Variants in KCNIP4 observed in about 807,000 individuals in gnomAD.
KCNIP4 encodes potassium voltage-gated channel interacting protein 4.
Under a neutral mutation model 34.0 loss-of-function variants are expected in KCNIP4, and 12 were observed. The observed-to-expected ratio is 0.35, with a 90% CI of 0.23 to 0.57. The LOEUF is 0.57. Ranked by LOEUF, KCNIP4 falls within the 20% of genes least tolerant of loss-of-function variation. The pLI, the probability that KCNIP4 is intolerant of heterozygous loss-of-function variation, is 0.83. For missense variants in KCNIP4, 238 were observed against 311.7 expected (o/e 0.76, Z 1.78); for synonymous variants, 124 against 102.2 (o/e 1.21, Z -1.29).
chr4:20,791,355 T>C (rs1200486618), intron 3 of KCNIP4, among the ~76,000 whole-genome samples: 2 of 152,146 alleles, frequency 1.3e-5, no homozygotes, highest in Non-Finnish European at 2.9e-5. Flanking sequence ...ACACAAAGAA[T>C]GAAGAGCAAT....
chr4:21,173,951 C>G (rs201173680), intron 1 of KCNIP4, among the ~76,000 whole-genome samples: 6 of 152,154 alleles, frequency 3.9e-5, no homozygotes, highest in East Asian at 3.8e-4. Context: ...CTGCACACCC[C>G]ACTCCTTTCC....
At chr4:21,235,145 C>A (rs1759262969) in intron 1 of KCNIP4, among the ~76,000 whole-genome samples, 1 of 152,148 alleles carries the variant, frequency 6.6e-6, no homozygotes, top group Non-Finnish European at 1.5e-5. Flanking sequence ...TATGAAGTCA[C>A]AGGTGCTACT....
At chr4:21,934,457 C>G (rs113632562) in intron 1 of KCNIP4, among the ~76,000 whole-genome samples, 3 of 152,080 alleles carry the variant, frequency 2.0e-5, no homozygotes, top group Non-Finnish European at 4.4e-5. Flanking sequence ...CAGGCTCCAC[C>G]TTCAACACTG....
chr4:21,890,368 A>G (rs1478506523), intron 1 of KCNIP4, among the ~76,000 whole-genome samples: 1 of 152,148 alleles, frequency 6.6e-6, no homozygotes, highest in Non-Finnish European at 1.5e-5. Context: ...ACTCTTGTGT[A>G]AATACAGTCT....
intron 1 of KCNIP4, among the ~76,000 whole-genome samples, chr4:20,912,119 G>A (rs190491395): frequency 1.4e-4 from 21 of 152,124 alleles, no homozygotes; most frequent in African/African-American, 4.6e-4. Context: ...GTTACAAGAA[G>A]GCAAATTATT....
chr4:21,080,803 C>T (rs1403037860), intron 1 of KCNIP4, among the ~76,000 whole-genome samples: 4 of 151,808 alleles, frequency 2.6e-5, no homozygotes, highest in Non-Finnish European at 5.9e-5. Flanking sequence ...CATATTTGAA[C>T]TACCAATGGT....
intron 1 of KCNIP4, among the ~76,000 whole-genome samples, chr4:21,327,084 C>T (rs146607720): frequency 1.4e-4 from 21 of 152,056 alleles, no homozygotes; most frequent in African/African-American, 1.9e-4. Flanking sequence ...TTACACATGA[C>T]GATTACAGTG....
At chr4:20,771,379 T>C (rs1755863759) in intron 3 of KCNIP4, among the ~76,000 whole-genome samples, 1 of 152,212 alleles carries the variant, frequency 6.6e-6, no homozygotes, top group African/African-American at 2.4e-5. Context: ...ATTTTCCTCA[T>C]GTGTAAGCCA....
chr4:20,832,230 C>T lies in KCNIP4; in HGVS notation c.288+18313G>A, dbSNP rs117937306. On this transcript the variant is annotated intron_variant, in intron 3 of 8. Transcript: ENST00000382152. ...TAGATAGTTCAACAAATAGATTTTACGGTCTCTTTATGGGACAAAGCAGAG... is the reference window on the plus strand; with the variant it reads ...TAGATAGTTCAACAAATAGATTTTATGGTCTCTTTATGGGACAAAGCAGAG... 1.7e-3 allele frequency among the ~76,000 whole-genome samples: 257 copies of T among 152,092 alleles called. 6 individuals are homozygous for T. In the East Asian group the frequency reaches 0.043, roughly 26 times the overall value.
At chr4:21,103,919 A>AT (rs1024579257) in intron 1 of KCNIP4, among the ~76,000 whole-genome samples, 1 of 151,818 alleles carries the variant, frequency 6.6e-6, no homozygotes, top group African/African-American at 2.4e-5. Flanking sequence ...TGAACTCATC[A>AT]TTTTTTATGG....
intron 1 of KCNIP4, among the ~76,000 whole-genome samples, chr4:20,929,642 A>C (rs1342108998): frequency 6.6e-6 from 1 of 152,002 alleles, no homozygotes; most frequent in Non-Finnish European, 1.5e-5. Context: ...GAAAACCCTA[A>C]AGATTCCACA....
At chr4:21,284,523 G>A (rs1449451811) in intron 1 of KCNIP4, among the ~76,000 whole-genome samples, 3 of 152,152 alleles carry the variant, frequency 2.0e-5, no homozygotes, top group Non-Finnish European at 4.4e-5. Flanking sequence ...CATGGCTTTT[G>A]AAGGGAGTGC....
chr4:20,764,645 CGA>C (rs1353570717), intron 3 of KCNIP4, among the ~76,000 whole-genome samples: 1 of 150,102 alleles, frequency 6.7e-6, no homozygotes, highest in Non-Finnish European at 1.5e-5. Context: ...AGTCTCACAC[CGA>C]GAGGAGCTAC....
chr4:21,913,270 T>C (rs1003966774), intron 1 of KCNIP4, among the ~76,000 whole-genome samples: 4 of 151,642 alleles, frequency 2.6e-5, no homozygotes, highest in Non-Finnish European at 5.9e-5. Context: ...AGTCCAGGAG[T>C]TGGGGGCTGC....
chr4:21,465,309 G>T (rs1277022642), intron 1 of KCNIP4, among the ~76,000 whole-genome samples: 1 of 152,082 alleles, frequency 6.6e-6, no homozygotes, highest in Admixed American at 6.6e-5. Flanking sequence ...GTAAGAACTT[G>T]ACATGCTCAG....
intron 1 of KCNIP4, among the ~76,000 whole-genome samples, chr4:21,194,127 G>T (rs141858918): frequency 6.6e-6 from 1 of 152,120 alleles, no homozygotes; most frequent in African/African-American, 2.4e-5. Flanking sequence ...TTGTTTTCTT[G>T]TTTTTCAAGA....
In KCNIP4 at chr4:20,732,717, T is replaced by A; in HGVS notation, c.606A>T (p.Glu202Asp). The A allele has an allele frequency of 1.2e-6, 2 of 1,612,700 alleles. No homozygotes were observed. The highest frequency in any genetic ancestry group is 1.7e-6 in the Non-Finnish European group (2 of 1,178,868). The change falls in exon 7 of 9, where the codon GAA becomes GAT. Residue 202 changes from glutamate (E) to aspartate (D), a missense_variant. Coordinates refer to ENST00000382152, the MANE Select transcript of KCNIP4 (RefSeq NM_025221.6). ...MGKCTYPVLK[E>D]DAPRQHVETF... is the part of the protein sequence containing the mutation. ...TTTCAACGTGTTGTCTGGGAGCATC[T>A]TCTTTGAGGACAGGATATGTACATT... is the stretch of plus-strand genomic sequence containing the variant.
At chr4:21,474,832 T>C (rs1050709445) in intron 1 of KCNIP4, among the ~76,000 whole-genome samples, 3 of 145,276 alleles carry the variant, frequency 2.1e-5, no homozygotes, top group African/African-American at 5.0e-5. Context: ...CAGTCTCTAC[T>C]AAAAATAATA....
intron 3 of KCNIP4, among the ~76,000 whole-genome samples, chr4:20,768,812 TTAAA>T (rs1261861374): frequency 6.6e-6 from 1 of 152,082 alleles, no homozygotes; most frequent in Non-Finnish European, 1.5e-5. Context: ...GTCAAAGTGG[TTAAA>T]TAGGCACTGC....
Sources: gnomAD v4.1 joint callset for allele counts (sites outside exome capture counted in the v4.1 genomes callset) on GRCh38, gnomAD v4.1.1 for gene constraint, MANE v1.5 for transcripts, NCBI Gene and HGNC (gene_info 2026-07-23, HGNC 2026-07-21) for gene names.